TTC17: variants seen among roughly 807,000 people sequenced by gnomAD.
TTC17 encodes tetratricopeptide repeat protein 17.
TTC17 carries 58 observed loss-of-function variants against 143.8 expected under a neutral mutation model. The observed-to-expected ratio is 0.40, with a 90% CI of 0.33 to 0.50. The LOEUF (loss-of-function observed/expected upper bound fraction) is 0.50, where lower values mean the gene tolerates loss of function less well. Among genes scored for constraint, TTC17 ranks in the 20% least tolerant of loss-of-function variants. The pLI is 0.49. For missense variants in TTC17, 1,273 were observed against 1,392.5 expected (o/e 0.91, Z 1.37); for synonymous variants, 501 against 497.8 (o/e 1.01, Z -0.09).
chr11:43,440,737 A>G, intron 16 of TTC17, among the ~76,000 whole-genome samples: 1 of 152,210 alleles, frequency 6.6e-6, no homozygotes, highest in Non-Finnish European at 1.5e-5. Flanking sequence ...TCATCCTGTT[A>G]TTCTTCTGTT....
intron 18 of TTC17, among the ~76,000 whole-genome samples, chr11:43,445,311 T>C (rs915491881): frequency 1.3e-5 from 2 of 152,286 alleles, no homozygotes; most frequent in Admixed American, 1.3e-4. Flanking sequence ...TCCTGTAAAA[T>C]AATGTATGTT....
intron 1 of TTC17, among the ~76,000 whole-genome samples, chr11:43,370,887 G>A (rs1856542669): frequency 6.6e-6 from 1 of 152,052 alleles, no homozygotes; most frequent in Non-Finnish European, 1.5e-5. Flanking sequence ...GCTCGTTGCA[G>A]CCTCAAACTC....
intron 23 of TTC17, 91 bp downstream of exon 23, chr11:43,492,254 C>T (rs1173816057): frequency 3.4e-6 from 5 of 1,471,496 alleles, no homozygotes; most frequent in Non-Finnish European, 4.6e-6. Flanking sequence ...TCATTGCCCA[C>T]CAATTTCCTG....
intron 16 of TTC17, among the ~76,000 whole-genome samples, chr11:43,430,693 C>T (rs900364071): frequency 8.0e-6 from 1 of 125,522 alleles, no homozygotes; most frequent in African/African-American, 3.0e-5. Flanking sequence ...CTGCCCCCAG[C>T]ATCCCCTACA....
intron 21 of TTC17, chr11:43,466,958 A>G (rs1947985691): frequency 6.3e-6 from 1 of 158,214 alleles, no homozygotes; most frequent in African/African-American, 2.4e-5. Flanking sequence ...ATTCGCTCAC[A>G]ATATCCTATA....
Position 43,414,585 on chromosome 11 carries a change from T to C in TTC17, c.2065-5T>C, listed in dbSNP as rs973995629. 1.5e-5 allele frequency: 24 copies of C among 1,585,896 alleles called. No homozygotes were observed. Among genetic ancestry groups the C allele is most frequent in the Non-Finnish European group, 2.1e-5 (24 of 1,168,514 alleles). ...AACATTTTGCCGATTTTTTTTTCTT[T>C]TCAGCCTCTGACCTTTTTGAGCCTG... On this transcript the variant is annotated splice_region_variant and splice_polypyrimidine_tract_variant and intron_variant, in intron 15 of 23. Transcript: ENST00000039989.
rs776179751 is a variant in TTC17 at position 43,493,890 on chromosome 11, C to T, written c.3412C>T (p.Arg1138Trp). ...GTGTCACTTAATGCTGAAGAAGGGA[C>T]GGCGCTCTCCTTAGTGCACTTCTTC... is the stretch of plus-strand genomic sequence containing the variant. ...IQCHLMLKKGRRSP is the reference protein window; with the variant it reads ...IQCHLMLKKGWRSP Residue 1138 changes from arginine to tryptophan, a missense_variant, in exon 24 of 24, where the codon CGG (arginine) becomes TGG (tryptophan). Transcript: ENST00000039989. The T allele has an allele frequency of 6.2e-6, 10 of 1,610,358 alleles. No homozygotes were observed. The highest frequency in any genetic ancestry group is 4.5e-5 in the East Asian group (2 of 44,792).
intron 23 of TTC17, 132 bp from the exon 24 acceptor site, chr11:43,493,641 G>T: frequency 1.5e-6 from 2 of 1,378,496 alleles, no homozygotes; most frequent in Non-Finnish European, 1.0e-6. Flanking sequence ...TTTCCACAAA[G>T]ACTTAGATCC....
chr11:43,461,736 A>G (rs1457125861), intron 21 of TTC17, among the ~76,000 whole-genome samples: 3 of 152,220 alleles, frequency 2.0e-5, no homozygotes, highest in African/African-American at 4.8e-5. Flanking sequence ...CTGTATATCT[A>G]AAATTCATGG....
chr11:43,434,728 G>C (rs899738981), intron 16 of TTC17, among the ~76,000 whole-genome samples: 1 of 152,120 alleles, frequency 6.6e-6, no homozygotes, highest in Admixed American at 6.6e-5. Context: ...TGTATTTACT[G>C]TCTCCCCAAG....
chr11:43,406,520 G>GA (rs1008042025), intron 13 of TTC17, among the ~76,000 whole-genome samples: 15 of 144,006 alleles, frequency 1.0e-4, no homozygotes, highest in Admixed American at 2.1e-4. Flanking sequence ...AGATAAAAAT[G>GA]AAAAAAAAAA....
intron 21 of TTC17, among the ~76,000 whole-genome samples, chr11:43,460,153 G>T (rs563577570): frequency 1.3e-5 from 2 of 151,750 alleles, no homozygotes; most frequent in South Asian, 4.2e-4. Flanking sequence ...AGCTGGTAAC[G>T]AGAAAGTTTT....
At chr11:43,389,575 G>T in intron 2 of TTC17, 77 bp from the exon 3 acceptor site, 1 of 1,421,250 alleles carries the variant, frequency 7.0e-7, no homozygotes, top group Non-Finnish European at 9.4e-7. Context: ...CTTCAGCTCA[G>T]ATTCCCCTTT....
intron 21 of TTC17, among the ~76,000 whole-genome samples, chr11:43,452,783 A>C (rs955808866): frequency 3.3e-5 from 5 of 151,880 alleles, no homozygotes; most frequent in African/African-American, 1.2e-4. Context: ...AAAAAATTAA[A>C]ATGCTCACAC....
At chr11:43,448,165 C>T (rs1396969368) in intron 19 of TTC17, 43 bp downstream of exon 19, 2 of 1,606,768 alleles carry the variant, frequency 1.2e-6, no homozygotes, top group Non-Finnish European at 1.7e-6. Context: ...CATTTGAGTC[C>T]CATTGAACCC....
Position 43,404,128 on chromosome 11 carries a change from ACT to A in TTC17, c.1466_1467del (p.Ser489Ter). The A allele has an allele frequency of 6.2e-7, 1 of 1,611,846 alleles. No homozygotes were observed. The highest frequency in any genetic ancestry group is 8.5e-7 in the Non-Finnish European group (1 of 1,179,142). The stretch of plus-strand genomic sequence containing the variant: ...TCTATTCTCTGGATTTGGGGCAGGG[ACT>A]CTGATGCATATAGGGTAAGTTAATA... On this transcript the variant is annotated frameshift_variant, in exon 11 of 24. Transcript: ENST00000039989. LOFTEE classifies it high-confidence loss of function.
chr11:43,474,515 A>C (rs1326226114), intron 21 of TTC17, among the ~76,000 whole-genome samples: 7 of 152,226 alleles, frequency 4.6e-5, no homozygotes, highest in African/African-American at 1.7e-4. Context: ...TTGCACAATT[A>C]CACAAAATTT....
intron 21 of TTC17, among the ~76,000 whole-genome samples, chr11:43,465,987 A>G (rs1003628062): frequency 1.1e-4 from 17 of 152,382 alleles, no homozygotes; most frequent in Middle Eastern, 6.8e-3. Flanking sequence ...TAACAGAGTG[A>G]AAAGACAGCC....
At chr11:43,464,004 G>A (rs1947921008) in intron 21 of TTC17, among the ~76,000 whole-genome samples, 1 of 152,190 alleles carries the variant, frequency 6.6e-6, no homozygotes. Flanking sequence ...CACGGGGCGT[G>A]GTGGCTCCTG....
Sources: gnomAD v4.1 joint callset for allele counts (sites outside exome capture counted in the v4.1 genomes callset) on GRCh38, gnomAD v4.1.1 for gene constraint, MANE v1.5 for transcripts, NCBI Gene and HGNC (gene_info 2026-07-23, HGNC 2026-07-21) for gene names.